Variants in PLEKHG7 observed in about 807,000 individuals in gnomAD.
PLEKHG7 encodes pleckstrin homology domain-containing family G member 7.
Under a neutral mutation model 85.2 loss-of-function variants are expected in PLEKHG7, and 77 were observed. That is an observed-to-expected ratio of 0.90 (90% CI 0.75 to 1.09). The LOEUF is 1.09. PLEKHG7 is among the 50% of genes least tolerant of loss of function. PLEKHG7 has a pLI of 0.00. For missense variants in PLEKHG7, 777 were observed against 804.3 expected, an observed-to-expected ratio of 0.97 and a Z score of 0.41; for synonymous variants, 301 against 302.4, an observed-to-expected ratio of 1.00 and a Z score of 0.05.
intron 3 of PLEKHG7, among the ~76,000 whole-genome samples, chr12:92,710,985 A>ACC (rs779395514): frequency 6.6e-6 from 1 of 151,846 alleles, no homozygotes; most frequent in South Asian, 2.1e-4. Flanking sequence ...CTATCCACAT[A>ACC]CCCCTTCCCC....
chr12:92,756,162 C>G, intron 12 of PLEKHG7, 136 bp from the exon 13 acceptor site: 1 of 729,488 alleles, frequency 1.4e-6, no homozygotes, highest in Non-Finnish European at 2.3e-6. Flanking sequence ...TTCATTGTTT[C>G]CCATTCCCAT....
At chr12:92,731,589 A>G (rs937351769) in intron 4 of PLEKHG7, among the ~76,000 whole-genome samples, 1 of 152,240 alleles carries the variant, frequency 6.6e-6, no homozygotes. Flanking sequence ...TCAAAAGGCT[A>G]GAATCCAATC....
intron 9 of PLEKHG7, among the ~76,000 whole-genome samples, chr12:92,744,653 T>G (rs1872471932): frequency 6.6e-6 from 1 of 150,718 alleles, no homozygotes; most frequent in South Asian, 2.1e-4. Context: ...ATGTCCCAAA[T>G]TTCTTTTTTT....
At chr12:92,720,186 C>T (rs917752357) in intron 3 of PLEKHG7, among the ~76,000 whole-genome samples, 4 of 152,160 alleles carry the variant, frequency 2.6e-5, no homozygotes, top group African/African-American at 9.7e-5. Flanking sequence ...CCACACTTCC[C>T]CTGAAGGCTC....
chr12:92,736,659 T>A, intron 6 of PLEKHG7, 82 bp downstream of exon 6: 1 of 846,370 alleles, frequency 1.2e-6, no homozygotes. Context: ...GTCAGTATTT[T>A]AAGCTGCCAG....
chr12:92,707,608 T>A (rs1871273958), intron 2 of PLEKHG7, 42 bp from the exon 3 acceptor site: 1 of 1,603,436 alleles, frequency 6.2e-7, no homozygotes, highest in East Asian at 2.2e-5. Flanking sequence ...TTGGGATGGG[T>A]TTGAGCAAGA....
intron 9 of PLEKHG7, among the ~76,000 whole-genome samples, chr12:92,744,427 G>A (rs12296628): frequency 6.6e-6 from 1 of 152,064 alleles, no homozygotes; most frequent in Non-Finnish European, 1.5e-5. Context: ...GTGGCATGTA[G>A]TTCAGTGTGC....
chr12:92,753,895 C>T (rs1872755020), intron 10 of PLEKHG7, among the ~76,000 whole-genome samples, 195 bp from the exon 11 acceptor site: 1 of 152,238 alleles, frequency 6.6e-6, no homozygotes, highest in Admixed American at 6.5e-5. Flanking sequence ...CCTATTACTA[C>T]ATCTTATCAC....
intron 3 of PLEKHG7, among the ~76,000 whole-genome samples, chr12:92,728,709 G>GTGT (rs1045374610): frequency 1.3e-5 from 2 of 152,126 alleles, no homozygotes; most frequent in African/African-American, 2.4e-5. Flanking sequence ...CAATAAACAT[G>GTGT]TGTACAGGTG....
intron 10 of PLEKHG7, among the ~76,000 whole-genome samples, chr12:92,745,903 A>G (rs990730110): frequency 6.6e-6 from 1 of 152,240 alleles, no homozygotes; most frequent in Admixed American, 6.5e-5. Context: ...AGAAAACTAT[A>G]TAGTAAGAAC....
intron 7 of PLEKHG7, among the ~76,000 whole-genome samples, chr12:92,737,811 T>C (rs1872221485): frequency 8.0e-6 from 1 of 125,766 alleles, no homozygotes; most frequent in Non-Finnish European, 1.7e-5. Flanking sequence ...GGCTTTTTTC[T>C]CCCTCTTTCA....
At chr12:92,731,653 C>T (rs571991585) in intron 4 of PLEKHG7, among the ~76,000 whole-genome samples, 1 of 152,320 alleles carries the variant, frequency 6.6e-6, no homozygotes, top group East Asian at 1.9e-4. Context: ...TAACGGCTTC[C>T]TTCTCAAGTC....
Position 92,770,157 on chromosome 12 carries a change from T to C in PLEKHG7, c.2038T>C (p.Ser680Pro), listed in dbSNP as rs1873363680. 5 of 1,608,420 alleles carry C rather than the reference T, an allele frequency of 3.1e-6. No homozygotes were observed. The highest frequency in any genetic ancestry group is 2.7e-5 in the African/African-American group (2 of 74,836). Residue 680 changes from serine to proline, a missense_variant, in exon 17 of 17, where the codon TCT (serine) becomes CCT (proline). Transcript: ENST00000344636. Reference sequence around the variant, plus strand: ...CAAGAGTCAGGAAACCAAGAAAATATCTTTATTCACATTGCCCGCAGAATC... The same window carrying C: ...CAAGAGTCAGGAAACCAAGAAAATACCTTTATTCACATTGCCCGCAGAATC... ...FTKSQETKKI[S>P]LFTLPAESSE... is the part of the protein sequence containing the mutation.
intron 3 of PLEKHG7, among the ~76,000 whole-genome samples, chr12:92,715,569 C>T (rs1375127030): frequency 6.6e-6 from 1 of 152,090 alleles, no homozygotes; most frequent in Non-Finnish European, 1.5e-5. Flanking sequence ...CATGTCTCTG[C>T]AGTCTTTTCT....
chr12:92,713,326 T>C (rs1298775093), intron 3 of PLEKHG7, among the ~76,000 whole-genome samples: 1 of 152,172 alleles, frequency 6.6e-6, no homozygotes, highest in Admixed American at 6.5e-5. Flanking sequence ...CTTATGAAAA[T>C]TAGGTAGGAA....
At chr12:92,732,192 C>CT (rs777643529) in intron 4 of PLEKHG7, 41 bp from the exon 5 acceptor site, 24 of 1,186,912 alleles carry the variant, frequency 2.0e-5, no homozygotes, top group Non-Finnish European at 2.4e-5. Context: ...GCTAGTTACT[C>CT]TAAGTACTCG....
chr12:92,741,682 C>T lies in PLEKHG7; in HGVS notation c.1137+90C>T, dbSNP rs1872361420. 4.4e-6 allele frequency: 4 copies of T among 919,088 alleles called. No homozygotes were observed. In the Admixed American group the frequency reaches 1.0e-4, roughly 24 times the overall value. The allele number at this position is 919,088 out of a possible 1,614,324, so 56.9% of individuals were successfully genotyped here. A position where few individuals can be genotyped will look rare whatever the true frequency, so the allele number is the denominator to read the frequency against. On this transcript the variant is annotated intron_variant, in intron 9 of 16. Coordinates refer to ENST00000344636, the MANE Select transcript of PLEKHG7 (RefSeq NM_001377329.1). ...TTATACCCTACTTGATTTTAATTCT[C>T]CCTGGGAAAGTTCTACCTCCACTCT... is the stretch of plus-strand genomic sequence containing the variant.
At chr12:92,726,396 T>C (rs1444948322) in intron 3 of PLEKHG7, among the ~76,000 whole-genome samples, 1 of 152,186 alleles carries the variant, frequency 6.6e-6, no homozygotes, top group Non-Finnish European at 1.5e-5. Flanking sequence ...AGCTATGCTT[T>C]TGTTGGTAAA....
Position 92,737,786 on chromosome 12 carries a change from C to G in PLEKHG7, c.939+265C>G, listed in dbSNP as rs578036595. 4.1e-4 allele frequency among the ~76,000 whole-genome samples: 21 copies of G among 51,004 alleles called. No homozygotes were observed. In the East Asian group the frequency reaches 0.027, roughly 65 times the overall value. The allele number at this position is 51,004 out of a possible 152,430, so 33.5% of individuals were successfully genotyped here. ...AAGGAAGGAAGGGAAAGAGAGGGAA[C>G]GGGAGGCCAGGTGAGGCTTTTTTCT... On this transcript the variant is annotated intron_variant, in intron 7 of 16. Transcript: ENST00000344636.
Sources: allele counts gnomAD v4.1 joint callset (sites outside exome capture counted in the v4.1 genomes callset), GRCh38; gene constraint gnomAD v4.1.1; transcripts MANE v1.5; gene names NCBI Gene and HGNC (gene_info 2026-07-23, HGNC 2026-07-21).